DOCK2: variants seen among roughly 807,000 people sequenced by gnomAD.
DOCK2 encodes dedicator of cytokinesis 2, also known as dedicator of cytokinesis protein 2.
In DOCK2, 87 loss-of-function variants were observed where a neutral mutation model predicts 248.9. The observed-to-expected ratio is 0.35, with a 90% CI of 0.29 to 0.42. DOCK2 has a LOEUF of 0.42. Ranked by LOEUF, DOCK2 falls within the 10% of genes least tolerant of loss-of-function variation. The pLI is 1.00. For missense variants in DOCK2, 1,747 were observed against 2,300.2 expected, an observed-to-expected ratio of 0.76 and a Z score of 4.92; for synonymous variants, 805 against 821.6, an observed-to-expected ratio of 0.98 and a Z score of 0.35.
intron 25 of DOCK2, among the ~76,000 whole-genome samples, chr5:169,784,623 A>G (rs772013996): frequency 1.3e-5 from 2 of 152,196 alleles, no homozygotes; most frequent in Non-Finnish European, 2.9e-5. Context: ...ACGATTGTGT[A>G]TCTTTGCTGT....
chr5:169,717,557 A>G (rs1761969716), intron 21 of DOCK2, 73 bp downstream of exon 21: 3 of 1,383,386 alleles, frequency 2.2e-6, no homozygotes, highest in Non-Finnish European at 3.1e-6. Context: ...GGGCACAGGA[A>G]CTTGAGTAAT....
intron 33 of DOCK2, among the ~76,000 whole-genome samples, chr5:170,019,768 CA>C (rs774450112): frequency 6.6e-6 from 1 of 152,198 alleles, no homozygotes; most frequent in African/African-American, 2.4e-5. Context: ...CCAGTTGCCA[CA>C]ATTGGCTCCC....
At chr5:169,904,091 CA>C (rs57983281) in intron 27 of DOCK2, among the ~76,000 whole-genome samples, 171 of 70,360 alleles carry the variant, frequency 2.4e-3, no homozygotes, top group Admixed American at 3.7e-3. Flanking sequence ...GACTTCGTCT[CA>C]AAAAAAAAAA....
intron 20 of DOCK2, 70 bp downstream of exon 20, chr5:169,716,372 A>G: frequency 6.6e-7 from 1 of 1,514,906 alleles, no homozygotes; most frequent in Non-Finnish European, 9.1e-7. Context: ...AAATACTGAG[A>G]ACTCATGGCC....
At chr5:169,882,958 T>G in intron 27 of DOCK2, 1 of 1,551,674 alleles carries the variant, frequency 6.4e-7, no homozygotes, top group Admixed American at 2.0e-5. Flanking sequence ...GTGGGAGCCT[T>G]GTGAGGGGGA....
chr5:170,035,933 G>T (rs1185077857), intron 35 of DOCK2, among the ~76,000 whole-genome samples: 1 of 152,182 alleles, frequency 6.6e-6, no homozygotes, highest in Non-Finnish European at 1.5e-5. Flanking sequence ...AGGATCTCTG[G>T]TGGTGAAGTC....
chr5:170,069,479 T>G (rs958587127), intron 46 of DOCK2, among the ~76,000 whole-genome samples: 1 of 152,192 alleles, frequency 6.6e-6, no homozygotes, highest in Non-Finnish European at 1.5e-5. Flanking sequence ...ATTATCTTAT[T>G]TGATGTTGAA....
At chr5:169,721,014 G>A (rs764442439) in intron 22 of DOCK2, among the ~76,000 whole-genome samples, 10 of 152,180 alleles carry the variant, frequency 6.6e-5, no homozygotes, top group Admixed American at 1.3e-4. Context: ...GAGCCACTGC[G>A]CCCAGCCAGT....
At chr5:169,844,520 C>T (rs1338256368) in intron 27 of DOCK2, among the ~76,000 whole-genome samples, 9 of 152,182 alleles carry the variant, frequency 5.9e-5, no homozygotes, top group Non-Finnish European at 5.9e-5. Flanking sequence ...GACATGCACT[C>T]CTAAGTAACC....
intron 25 of DOCK2, among the ~76,000 whole-genome samples, chr5:169,778,421 G>A (rs1319351031): frequency 6.6e-6 from 1 of 152,176 alleles, no homozygotes; most frequent in Admixed American, 6.5e-5. Flanking sequence ...TGGAAGAACT[G>A]GGATGGAGAG....
At chr5:169,664,329 A>T (rs900936877) in intron 2 of DOCK2, among the ~76,000 whole-genome samples, 11 of 152,206 alleles carry the variant, frequency 7.2e-5, no homozygotes, top group African/African-American at 2.7e-4. Context: ...CCATTCAACA[A>T]GTCTCTAGCA....
intron 27 of DOCK2, among the ~76,000 whole-genome samples, chr5:169,909,035 G>T (rs1484601621): frequency 6.6e-6 from 1 of 152,184 alleles, no homozygotes; most frequent in Non-Finnish European, 1.5e-5. Flanking sequence ...AGCCCCTAGA[G>T]TGAATGTGAG....
chr5:170,063,488 C>T (rs894775280), intron 44 of DOCK2, among the ~76,000 whole-genome samples: 2 of 152,200 alleles, frequency 1.3e-5, no homozygotes, highest in Non-Finnish European at 2.9e-5. Context: ...GGGGCACACA[C>T]TTCCAGTGGC....
At chr5:169,737,499 C>A (rs1010760642) in intron 22 of DOCK2, among the ~76,000 whole-genome samples, 3 of 152,058 alleles carry the variant, frequency 2.0e-5, no homozygotes, top group African/African-American at 7.2e-5. Flanking sequence ...AAAGTGATGT[C>A]TTTTTGCATG....
At position 169,679,200 on chromosome 5, in the gene DOCK2, C is replaced by T. The variant is rs557701876; in HGVS notation, c.471-2544C>T. On this transcript the variant is annotated intron_variant, in intron 6 of 51. Transcript: ENST00000520908. ...AACTACAGGTGCGTGCCACCATGCC[C>T]AGCTGATTTTACCTTTTTTAAAAAT... is the stretch of plus-strand genomic sequence containing the variant. Among the ~76,000 whole-genome samples, 80 of 152,284 alleles carry T rather than the reference C, an allele frequency of 5.3e-4. 2 individuals are homozygous for T. Among genetic ancestry groups the T allele is most frequent in the African/African-American group, 1.9e-3 (78 of 41,558 alleles).
rs1230113722 is a variant in DOCK2, at chr5:169,698,522, G to C, written c.1055+73G>C. On this transcript the variant is annotated intron_variant, in intron 11 of 51. Transcript: ENST00000520908. ...TCATCAAGGGCTGCTGGAGCTCAGA[G>C]GGTACCAGTTCCCTGAGTTAGTGAT... 9 of 1,535,008 alleles carry C rather than the reference G, an allele frequency of 5.9e-6. No individual in the cohort carries two copies. In the East Asian group the frequency reaches 2.0e-4, roughly 35 times the overall value.
chr5:169,799,866 G>A (rs1035019261), intron 25 of DOCK2, among the ~76,000 whole-genome samples: 1 of 151,910 alleles, frequency 6.6e-6, no homozygotes, highest in African/African-American at 2.4e-5. Flanking sequence ...GGTGTGTAGC[G>A]GTGTGATCAT....
At chr5:170,055,426 G>A in intron 42 of DOCK2, 40 bp downstream of exon 42, 1 of 1,590,164 alleles carries the variant, frequency 6.3e-7, no homozygotes, top group Non-Finnish European at 8.6e-7. Flanking sequence ...ATGGGGAAGA[G>A]AACCCATTGG....
At chr5:169,972,578 TAGATAGATGATAGATAGATA>T (rs1352672228) in intron 27 of DOCK2, among the ~76,000 whole-genome samples, 1,593 of 61,000 alleles carry the variant, frequency 0.026, 34 homozygotes, top group African/African-American at 0.09. Flanking sequence ...GATAGATAGA[TAGATAGATGATAGATAGATA>T]GATAGATAGA....
Sources: allele counts gnomAD v4.1 joint callset (sites outside exome capture counted in the v4.1 genomes callset), GRCh38; gene constraint gnomAD v4.1.1; transcripts MANE v1.5; gene names NCBI Gene and HGNC (gene_info 2026-07-23, HGNC 2026-07-21).